Variants in RBFOX1 observed in about 807,000 individuals in gnomAD.
The protein encoded by RBFOX1 is RNA binding protein fox-1 homolog 1.
Under a neutral mutation model 57.7 loss-of-function variants are expected in RBFOX1, and 8 were observed. The ratio of observed to expected loss-of-function variants is 0.14; its 90% CI spans 0.08 to 0.25. RBFOX1 has a LOEUF of 0.25. Among genes scored for constraint, RBFOX1 ranks in the 10% least tolerant of loss-of-function variants. The pLI is 1.00. For missense variants in RBFOX1, 611 were observed against 548.5 expected (o/e 1.11, Z -1.14); for synonymous variants, 326 against 222.4 (o/e 1.47, Z -4.15).
intron 3 of RBFOX1, among the ~76,000 whole-genome samples, chr16:5,625,939 C>G (rs1371113118): frequency 6.6e-6 from 1 of 152,018 alleles, no homozygotes; most frequent in Non-Finnish European, 1.5e-5. Context: ...TTCAATGGCA[C>G]AATCTCAGCT....
chr16:5,543,313 A>C (rs989077469), intron 2 of RBFOX1, among the ~76,000 whole-genome samples: 1 of 152,194 alleles, frequency 6.6e-6, no homozygotes, highest in Non-Finnish European at 1.5e-5. Flanking sequence ...TGTTTAAAAA[A>C]TTAAACAGAA....
intron 3 of RBFOX1, among the ~76,000 whole-genome samples, chr16:5,709,352 A>G (rs567410146): frequency 5.9e-5 from 9 of 152,312 alleles, no homozygotes; most frequent in Middle Eastern, 3.4e-3. Flanking sequence ...TTCTTTGATC[A>G]GTGAGCATGT....
intron 3 of RBFOX1, among the ~76,000 whole-genome samples, chr16:5,674,085 T>C (rs1267578707): frequency 6.6e-6 from 1 of 152,174 alleles, no homozygotes; most frequent in Non-Finnish European, 1.5e-5. Context: ...CTATGTAGTA[T>C]TGTTCTAGGA....
chr16:6,069,137 G>A (rs922093109), intron 1 of RBFOX1, among the ~76,000 whole-genome samples: 5 of 152,110 alleles, frequency 3.3e-5, no homozygotes, highest in Admixed American at 6.6e-5. Context: ...GGCGGCTGAC[G>A]CATGTAATCC....
chr16:6,859,197 GTATATA>G (rs796642501), intron 3 of RBFOX1, among the ~76,000 whole-genome samples: 2 of 84,860 alleles, frequency 2.4e-5, no homozygotes, highest in African/African-American at 9.3e-5. Context: ...ATATATATAT[GTATATA>G]TATATATACA....
At chr16:7,259,608 C>G (rs975126996) in intron 4 of RBFOX1, among the ~76,000 whole-genome samples, 1 of 151,940 alleles carries the variant, frequency 6.6e-6, no homozygotes, top group Non-Finnish European at 1.5e-5. Flanking sequence ...AACTCCAACA[C>G]TTTCTCTGTA....
chr16:7,320,266 T>A (rs1005211986), intron 4 of RBFOX1, among the ~76,000 whole-genome samples: 3 of 152,128 alleles, frequency 2.0e-5, no homozygotes, highest in Admixed American at 1.3e-4. Context: ...GTGTGTTGTT[T>A]CCCTCCCTGT....
chr16:6,683,802 C>T (rs1003483471), intron 3 of RBFOX1, among the ~76,000 whole-genome samples: 1 of 152,162 alleles, frequency 6.6e-6, no homozygotes, highest in Non-Finnish European at 1.5e-5. Context: ...ATCCTCCTTC[C>T]ACCAGTTAAC....
chr16:6,500,041 T>A (rs1266817161), intron 2 of RBFOX1, among the ~76,000 whole-genome samples: 1 of 152,190 alleles, frequency 6.6e-6, no homozygotes, highest in Non-Finnish European at 1.5e-5. Flanking sequence ...CACAATGTTT[T>A]ATTTCTTCTT....
At chr16:7,246,549 T>G (rs992100888) in intron 4 of RBFOX1, among the ~76,000 whole-genome samples, 2 of 151,946 alleles carry the variant, frequency 1.3e-5, no homozygotes, top group African/African-American at 4.8e-5. Flanking sequence ...GCATCCTTCC[T>G]TTTCCACAAA....
chr16:7,522,486 A>C (rs951235973), intron 5 of RBFOX1, among the ~76,000 whole-genome samples: 2 of 152,200 alleles, frequency 1.3e-5, no homozygotes, highest in African/African-American at 2.4e-5. Flanking sequence ...TAGTTTTGCT[A>C]GAGTAGTGGA....
intron 3 of RBFOX1, chr16:6,704,749 C>T (rs745519887): frequency 2.6e-5 from 4 of 152,158 alleles, no homozygotes; most frequent in Non-Finnish European, 5.9e-5. Flanking sequence ...ATCATTTCTT[C>T]TGCCATCTGG....
chr16:7,188,696 C>G (rs534031475), intron 4 of RBFOX1, among the ~76,000 whole-genome samples: 1 of 152,164 alleles, frequency 6.6e-6, no homozygotes, highest in Non-Finnish European at 1.5e-5. Flanking sequence ...TTCATTTATT[C>G]TGCTGCAGTC....
chr16:6,487,700 A>AATATAT (rs1277585706), intron 2 of RBFOX1, among the ~76,000 whole-genome samples: 4 of 16,280 alleles, frequency 2.5e-4, no homozygotes, highest in African/African-American at 5.0e-4. Context: ...AAAAAAAAAA[A>AATATAT]ATATATATAT....
chr16:5,864,628 G>C (rs1597551300), intron 3 of RBFOX1, among the ~76,000 whole-genome samples: 1 of 151,468 alleles, frequency 6.6e-6, no homozygotes. Flanking sequence ...ATGCTGTAGA[G>C]TTTTTAATGT....
chr16:6,540,006 G>C (rs1320662500), intron 2 of RBFOX1, among the ~76,000 whole-genome samples: 1 of 152,092 alleles, frequency 6.6e-6, no homozygotes, highest in Non-Finnish European at 1.5e-5. Context: ...GTTACTTTCA[G>C]GTATACACAG....
chr16:5,942,839 A>G (rs1485947905), intron 4 of RBFOX1, among the ~76,000 whole-genome samples: 2 of 152,302 alleles, frequency 1.3e-5, no homozygotes, highest in South Asian at 4.1e-4. Flanking sequence ...CTGAGGGCCC[A>G]GGAAACTAAG....
chr16:6,732,608 G>T (rs2068951501), intron 3 of RBFOX1, among the ~76,000 whole-genome samples: 1 of 152,214 alleles, frequency 6.6e-6, no homozygotes, highest in Non-Finnish European at 1.5e-5. Context: ...CTGCAAGGCA[G>T]GGACCCTCTG....
At chr16:7,512,340 A>T (rs1373598685) in intron 4 of RBFOX1, among the ~76,000 whole-genome samples, 1 of 152,242 alleles carries the variant, frequency 6.6e-6, no homozygotes, top group African/African-American at 2.4e-5. Flanking sequence ...CAGCCAAGCT[A>T]AGAATCCAGG....
Sources: gnomAD v4.1 joint callset for allele counts (sites outside exome capture counted in the v4.1 genomes callset) on GRCh38, gnomAD v4.1.1 for gene constraint, MANE v1.5 for transcripts, NCBI Gene and HGNC (gene_info 2026-07-23, HGNC 2026-07-21) for gene names.